The following NPHP4 variants were observed in gnomAD, a reference collection of about 807,000 sequenced individuals.
NPHP4 encodes nephrocystin-4.
NPHP4 carries 151 observed loss-of-function variants against 155.8 expected under a neutral mutation model. That is an observed-to-expected ratio of 0.97 (90% CI 0.85 to 1.11). The LOEUF is 1.11. Ranked by LOEUF, NPHP4 falls within the 50% of genes least tolerant of loss-of-function variation. The pLI is 0.00. For synonymous variants in NPHP4, 845 were observed against 816.8 expected (o/e 1.03, Z -0.59); for missense variants, 1,956 against 1,925.7 (o/e 1.02, Z -0.29).
intron 11 of NPHP4, among the ~76,000 whole-genome samples, chr1:5,925,314 A>G (rs1265347282): frequency 6.6e-6 from 1 of 152,200 alleles, no homozygotes; most frequent in Non-Finnish European, 1.5e-5. Flanking sequence ...TAAGTAGCCT[A>G]AAGATGATTT....
intron 11 of NPHP4, among the ~76,000 whole-genome samples, chr1:5,916,944 T>C (rs1467398214): frequency 6.6e-6 from 1 of 152,222 alleles, no homozygotes; most frequent in Non-Finnish European, 1.5e-5. Flanking sequence ...CTCAAGTCTA[T>C]GCATTCACTG....
intron 2 of NPHP4, among the ~76,000 whole-genome samples, chr1:5,982,457 T>C (rs1003147587): frequency 2.6e-5 from 4 of 152,236 alleles, no homozygotes; most frequent in Non-Finnish European, 4.4e-5. Flanking sequence ...GTACATCCTA[T>C]GATGTTTGCA....
chr1:5,946,692 C>T lies in NPHP4; in HGVS notation c.1119+412G>A, dbSNP rs1023383244. 1.2e-4 allele frequency among the ~76,000 whole-genome samples: 19 copies of T among 152,370 alleles called. No homozygotes were observed. In the East Asian group the frequency reaches 1.5e-3, roughly 12 times the overall value. On this transcript the variant is annotated intron_variant, in intron 9 of 29. Coordinates refer to ENST00000378156, the MANE Select transcript of NPHP4 (RefSeq NM_015102.5). The stretch of plus-strand genomic sequence containing the variant: ...GCCCCTAGGTGGCTTCAGGATGGGG[C>T]TGCTCACAGAAAGACCAAGGCAGGG...
At chr1:5,919,745 G>GT (rs869178040) in intron 11 of NPHP4, among the ~76,000 whole-genome samples, 155 of 144,158 alleles carry the variant, frequency 1.1e-3, no homozygotes, top group South Asian at 1.1e-3. Context: ...GGTTTTTTTT[G>GT]TTTTTTTTTT....
chr1:5,902,480 G>A (rs183152592), intron 16 of NPHP4, among the ~76,000 whole-genome samples: 180 of 152,320 alleles, frequency 1.2e-3, no homozygotes, highest in African/African-American at 3.9e-3. Flanking sequence ...TCTCTTGACC[G>A]ACTGTGCCCA....
chr1:5,966,616 A>G (rs749984505), intron 5 of NPHP4, among the ~76,000 whole-genome samples: 2 of 151,952 alleles, frequency 1.3e-5, no homozygotes, highest in Non-Finnish European at 2.9e-5. Flanking sequence ...GCAGCATCTC[A>G]CCTCGAAGAG....
At chr1:5,942,423 C>T (rs2101867359) in intron 9 of NPHP4, among the ~76,000 whole-genome samples, 1 of 149,258 alleles carries the variant, frequency 6.7e-6, no homozygotes, top group South Asian at 2.1e-4. Flanking sequence ...CCCAGCTACT[C>T]AGGAGGCTGA....
chr1:5,979,935 G>A (rs771209244), intron 2 of NPHP4, among the ~76,000 whole-genome samples: 1 of 152,106 alleles, frequency 6.6e-6, no homozygotes, highest in South Asian at 2.1e-4. Flanking sequence ...ATCAGAATGT[G>A]TCTGACATGA....
At chr1:5,869,460 T>C (rs1019161691) in intron 23 of NPHP4, among the ~76,000 whole-genome samples, 3 of 152,252 alleles carry the variant, frequency 2.0e-5, no homozygotes, top group African/African-American at 7.2e-5. Flanking sequence ...CAAATATATC[T>C]TGCTTTATAG....
chr1:5,976,416 G>A (rs532046944), intron 3 of NPHP4, among the ~76,000 whole-genome samples: 6 of 152,288 alleles, frequency 3.9e-5, no homozygotes, highest in South Asian at 4.1e-4. Context: ...GTTTCGGGGG[G>A]CTCACTGTGC....
chr1:5,953,021 T>C (rs1288787946), intron 6 of NPHP4, among the ~76,000 whole-genome samples, 185 bp from the exon 7 acceptor site: 2 of 152,168 alleles, frequency 1.3e-5, no homozygotes, highest in African/African-American at 2.4e-5. Flanking sequence ...ACAGATTTCA[T>C]TGGCAGTCCA....
chr1:5,966,009 C>T (rs1242233744), intron 5 of NPHP4, among the ~76,000 whole-genome samples: 4 of 152,170 alleles, frequency 2.6e-5, no homozygotes, highest in Non-Finnish European at 4.4e-5. Flanking sequence ...GCAGGCTCAG[C>T]CCCCACTCAG....
chr1:5,867,252 G>T lies in NPHP4; in HGVS notation c.3473-137C>A. On this transcript the variant is annotated intron_variant, in intron 24 of 29. Transcript: ENST00000378156. This position sits in a 1 kb window ranked among gnomAD's most constrained non-coding sequence, Gnocchi z 4.1. ...CAAGACACCTGCTGGGGAAACGGAC[G>T]CCGCCACCTTTCCCAGGACAGCATC... is the stretch of plus-strand genomic sequence containing the variant. 3.1e-6 allele frequency: 2 copies of T among 645,330 alleles called. No individual in the cohort carries two copies. Among genetic ancestry groups the T allele is most frequent in the Non-Finnish European group, 5.4e-6 (2 of 367,602 alleles). 40.0% of individuals were successfully genotyped at this position (645,330 alleles called of 1,614,324 possible). A position where few individuals can be genotyped will look rare whatever the true frequency, so the allele number is the denominator to read the frequency against.
intron 19 of NPHP4, among the ~76,000 whole-genome samples, chr1:5,879,813 GCAAACA>G (rs1366255742): frequency 2.5e-5 from 2 of 81,532 alleles, no homozygotes; most frequent in Admixed American, 1.3e-4. Context: ...ACACACACAC[GCAAACA>G]CACACACACA....
intron 9 of NPHP4, among the ~76,000 whole-genome samples, chr1:5,939,439 A>C (rs955691865): frequency 2.0e-5 from 3 of 152,124 alleles, no homozygotes; most frequent in African/African-American, 7.2e-5. Context: ...TCTGGGCCCC[A>C]GCGGCTGGCA....
chr1:5,874,684 G>A, intron 21 of NPHP4, 27 bp from the exon 22 acceptor site: 1 of 1,606,640 alleles, frequency 6.2e-7, no homozygotes, highest in South Asian at 1.1e-5. Flanking sequence ...CCAGGCGTCA[G>A]GGCAGTTCTT....
Position 5,909,133 on chromosome 1 carries a change from G to GT in NPHP4, c.1503+18dup, listed in dbSNP as rs1557709909. On this transcript the variant is annotated intron_variant, in intron 12 of 29. Coordinates refer to ENST00000378156, the MANE Select transcript of NPHP4 (RefSeq NM_015102.5). ...TGACTCTGGAATTCTGAAGGAGGCCGTGGGGGGCCTGGACTTACCCCTGGT... is the reference window on the plus strand; with the variant it reads ...TGACTCTGGAATTCTGAAGGAGGCCGTTGGGGGGCCTGGACTTACCCCTGGT... The GT allele has an allele frequency of 6.3e-7, 1 of 1,577,046 alleles. No individual in the cohort carries two copies. Among genetic ancestry groups the GT allele is most frequent in the Non-Finnish European group, 8.6e-7 (1 of 1,157,278 alleles).
intron 11 of NPHP4, among the ~76,000 whole-genome samples, chr1:5,916,905 T>C (rs1002480858): frequency 2.6e-5 from 4 of 152,170 alleles, no homozygotes; most frequent in Non-Finnish European, 5.9e-5. Context: ...TTCGTCCTTC[T>C]CAAACAAAAG....
chr1:5,863,010 C>T lies in NPHP4; in HGVS notation c.*255G>A. 1 of 539,186 alleles carries T rather than the reference C, an allele frequency of 1.9e-6. No individual in the cohort carries two copies. The highest frequency in any genetic ancestry group is 2.4e-5 in the South Asian group (1 of 41,802). The allele number at this position is 539,186 out of a possible 1,614,324, so 33.4% of individuals were successfully genotyped here. ...GTCCCACATGCGTAGATGGCAGCACCAGAGCCAGACCCACCACCACGGAGT... is the reference window on the plus strand; with the variant it reads ...GTCCCACATGCGTAGATGGCAGCACTAGAGCCAGACCCACCACCACGGAGT... On this transcript the variant is annotated 3_prime_UTR_variant, in exon 30 of 30. Transcript: ENST00000378156.
Sources: allele counts gnomAD v4.1 joint callset (sites outside exome capture counted in the v4.1 genomes callset), GRCh38; gene constraint gnomAD v4.1.1; non-coding constraint Gnocchi (gnomAD v3.1); transcripts MANE v1.5; gene names NCBI Gene and HGNC (gene_info 2026-07-23, HGNC 2026-07-21).